The following FBLN2 variants were observed in gnomAD, a reference collection of about 807,000 sequenced individuals.
FBLN2 encodes fibulin-2.
Under a neutral mutation model 123.7 loss-of-function variants are expected in FBLN2, and 81 were observed. The observed-to-expected ratio is 0.65, with a 90% CI of 0.55 to 0.79. The LOEUF is 0.79. FBLN2 is among the 30% of genes least tolerant of loss of function. The probability of loss-of-function intolerance (pLI) is 0.00; values close to 1 mark genes in which losing one functional copy is unlikely to be tolerated. For missense variants in FBLN2, 1,603 were observed against 1,681.3 expected (o/e 0.95, Z 0.81); for synonymous variants, 699 against 701.4 (o/e 1.00, Z 0.05).
chr3:13,582,364 C>T (rs1264092732), intron 2 of FBLN2, among the ~76,000 whole-genome samples: 1 of 152,190 alleles, frequency 6.6e-6, no homozygotes, highest in African/African-American at 2.4e-5. Context: ...TGCGAGTTTC[C>T]CTGCGGGCAA....
intron 2 of FBLN2, among the ~76,000 whole-genome samples, chr3:13,598,513 C>T (rs776433851): frequency 2.0e-5 from 3 of 152,166 alleles, no homozygotes; most frequent in Non-Finnish European, 4.4e-5. Flanking sequence ...GATTTGCATT[C>T]TTCCTTGTCA....
At chr3:13,555,529 A>T (rs1362963702) in intron 1 of FBLN2, among the ~76,000 whole-genome samples, 2 of 151,654 alleles carry the variant, frequency 1.3e-5, no homozygotes, top group Non-Finnish European at 2.9e-5. Context: ...ATCTCGGCTC[A>T]CTGCAAGCTC....
intron 2 of FBLN2, among the ~76,000 whole-genome samples, chr3:13,600,541 G>A (rs1390005894): frequency 6.6e-6 from 1 of 152,086 alleles, no homozygotes; most frequent in East Asian, 1.9e-4. Flanking sequence ...CAACAGACAT[G>A]GGGACGCTCA....
chr3:13,597,744 G>T (rs1490539318), intron 2 of FBLN2, among the ~76,000 whole-genome samples: 1 of 152,218 alleles, frequency 6.6e-6, no homozygotes, highest in Non-Finnish European at 1.5e-5. Flanking sequence ...TTCCAGAGTG[G>T]ACCTGCTCTG....
At chr3:13,633,954 A>AACACATACACACACACACACACAC (rs1706354891) in intron 16 of FBLN2, among the ~76,000 whole-genome samples, 1 of 112,830 alleles carries the variant, frequency 8.9e-6, no homozygotes, top group South Asian at 3.1e-4. Flanking sequence ...ACACACTGCA[A>AACACATACACACACACACACACAC]ACACACACAC....
intron 2 of FBLN2, among the ~76,000 whole-genome samples, chr3:13,600,260 G>A (rs1704986675): frequency 6.6e-6 from 1 of 152,050 alleles, no homozygotes; most frequent in African/African-American, 2.4e-5. Context: ...CCACATTTTG[G>A]ATGGCACCTG....
chr3:13,586,419 G>A (rs1483677148), intron 2 of FBLN2, among the ~76,000 whole-genome samples: 1 of 151,526 alleles, frequency 6.6e-6, no homozygotes, highest in African/African-American at 2.4e-5. Flanking sequence ...TCCTGACCTC[G>A]TGATCCGCCT....
chr3:13,563,557 G>T (rs1703666260), intron 1 of FBLN2, among the ~76,000 whole-genome samples: 1 of 152,206 alleles, frequency 6.6e-6, no homozygotes, highest in South Asian at 2.1e-4. Context: ...GCTTTCCTTT[G>T]CCCTTCTCCT....
chr3:13,578,740 T>C (rs570696292), intron 2 of FBLN2, among the ~76,000 whole-genome samples: 14 of 152,316 alleles, frequency 9.2e-5, no homozygotes, highest in South Asian at 8.3e-4. Flanking sequence ...ATGGTAACTC[T>C]GTGTTTAACC....
At chr3:13,580,969 A>G (rs1479219421) in intron 2 of FBLN2, among the ~76,000 whole-genome samples, 1 of 152,238 alleles carries the variant, frequency 6.6e-6, no homozygotes, top group African/African-American at 2.4e-5. Flanking sequence ...GGCCTCAGCC[A>G]GGATGGCTCA....
At chr3:13,602,670 A>T (rs1287680871) in intron 2 of FBLN2, among the ~76,000 whole-genome samples, 1 of 152,126 alleles carries the variant, frequency 6.6e-6, no homozygotes, top group Non-Finnish European at 1.5e-5. Flanking sequence ...TTGAATGGGA[A>T]TTTTTTCCTA....
At chr3:13,607,332 A>G (rs977605760) in intron 2 of FBLN2, among the ~76,000 whole-genome samples, 3 of 152,092 alleles carry the variant, frequency 2.0e-5, no homozygotes, top group African/African-American at 7.2e-5. Context: ...AAATGTTATT[A>G]AGAAAATCGT....
At chr3:13,608,233 T>C in intron 3 of FBLN2, 60 bp downstream of exon 3, 1 of 1,275,316 alleles carries the variant, frequency 7.8e-7, no homozygotes, top group Non-Finnish European at 1.1e-6. Context: ...GAACCCTGCT[T>C]GCCTAGGACC....
chr3:13,551,021 G>A (rs930106589), intron 1 of FBLN2, among the ~76,000 whole-genome samples: 1 of 152,206 alleles, frequency 6.6e-6, no homozygotes, highest in Non-Finnish European at 1.5e-5. Context: ...CCTGGCTGGT[G>A]CTGCCCACCC....
chr3:13,582,960 G>C (rs1704381642), intron 2 of FBLN2, among the ~76,000 whole-genome samples: 1 of 152,264 alleles, frequency 6.6e-6, no homozygotes, highest in African/African-American at 2.4e-5. Flanking sequence ...GGGTTGGGCA[G>C]GGGCCGTTCC....
rs1297215101 is a variant in FBLN2, at chr3:13,570,636, G to T, written c.281G>T (p.Gly94Val). ...PAGQSYFVDF[G>V]STECSCPPGG... ...GGTCAGTCCTATTTTGTGGACTTCG[G>T]GAGCACTGAGTGCTCCTGCCCACCA... The change falls in exon 2 of 18, where the codon GGG (glycine) becomes GTG (valine). Residue 94 changes from glycine (G) to valine (V), a missense_variant. Coordinates refer to ENST00000404922, the MANE Select transcript of FBLN2 (RefSeq NM_001004019.2). 2 of 1,582,028 alleles carry T rather than the reference G, an allele frequency of 1.3e-6. No homozygotes were observed. The highest frequency in any genetic ancestry group is 1.7e-6 in the Non-Finnish European group (2 of 1,165,466).
chr3:13,614,306 T>G (rs187029575), intron 5 of FBLN2, 142 bp downstream of exon 5: 2 of 855,558 alleles, frequency 2.3e-6, no homozygotes, highest in Non-Finnish European at 1.7e-6. Context: ...GATGGTGATT[T>G]CATTGTTTTC....
In FBLN2 at chr3:13,609,542, A is replaced by G. The variant is rs1031043539; in HGVS notation, c.1448A>G (p.Tyr483Cys). The change falls in exon 4 of 18, where the codon TAC (tyrosine) becomes TGC (cysteine). Residue 483 changes from tyrosine to cysteine, a missense_variant. By Grantham distance (194) the Tyr-to-Cys change is radical (BLOSUM62 -2). Transcript: ENST00000404922. Reference sequence around the variant, plus strand: ...GCCCAGAGGCACTGCTGTGTCTCCTACTTGCAGGAGAAGAGCTGCATGGCC... The same window carrying G: ...GCCCAGAGGCACTGCTGTGTCTCCTGCTTGCAGGAGAAGAGCTGCATGGCC... Reference protein sequence around the residue: ...RTAQRHCCVSYLQEKSCMAGV... With the variant: ...RTAQRHCCVSCLQEKSCMAGV... The G allele has an allele frequency of 1.3e-6, 2 of 1,551,738 alleles. No homozygotes were observed. Among genetic ancestry groups the G allele is most frequent in the Non-Finnish European group, 1.7e-6 (2 of 1,147,268 alleles).
At chr3:13,569,629 C>T (rs73148620) in intron 1 of FBLN2, among the ~76,000 whole-genome samples, 2,072 of 152,008 alleles carry the variant, frequency 0.014, 44 homozygotes, top group African/African-American at 0.048. Context: ...GGGACAGGAG[C>T]GTCCCCTGGG....
Sources: allele counts gnomAD v4.1 joint callset (sites outside exome capture counted in the v4.1 genomes callset), GRCh38; gene constraint gnomAD v4.1.1; transcripts MANE v1.5; gene names NCBI Gene and HGNC (gene_info 2026-07-23, HGNC 2026-07-21).